The following ANGEL2 variants were observed in gnomAD, a reference collection of about 807,000 sequenced individuals.
ANGEL2 encodes the protein angel homolog 2.
A neutral mutation model predicts 66.0 loss-of-function variants in ANGEL2; 41 were observed. The observed-to-expected ratio is 0.62, with a 90% confidence interval of 0.48 to 0.81. The LOEUF is 0.81. Among genes scored for constraint, ANGEL2 ranks in the 30% least tolerant of loss-of-function variants. The pLI, the probability that ANGEL2 is intolerant of heterozygous loss-of-function variation, is 0.00. For synonymous variants in ANGEL2, 208 were observed against 226.5 expected, an observed-to-expected ratio of 0.92 and a Z score of 0.73; for missense variants, 561 against 641.6, an observed-to-expected ratio of 0.87 and a Z score of 1.36.
At chr1:213,015,307 G>A (rs1347603217) in intron 1 of ANGEL2, 1 of 1,315,908 alleles carries the variant, frequency 7.6e-7, no homozygotes, top group East Asian at 3.3e-5. Context: ...CGCTGGTCTG[G>A]AGGCTGGGTT....
intron 5 of ANGEL2, chr1:213,001,433 A>G (rs1016732732): frequency 2.0e-5 from 3 of 153,548 alleles, no homozygotes; most frequent in African/African-American, 7.2e-5. Context: ...TCATTGTTAA[A>G]ATATCCTAAC....
Position 213,013,119 on chromosome 1 carries a change from G to A in ANGEL2, c.359C>T (p.Pro120Leu), listed in dbSNP as rs971362282. 1.9e-6 allele frequency: 3 copies of A among 1,613,776 alleles called. No individual in the cohort carries two copies. The highest frequency in any genetic ancestry group is 2.7e-5 in the African/African-American group (2 of 74,872). Residue 120 changes from proline to leucine, a missense_variant, in exon 2 of 9, where the codon CCT becomes CTT. Pro to Leu is a moderately conservative substitution (Grantham distance 98). Coordinates refer to ENST00000366962, the MANE Select transcript of ANGEL2 (RefSeq NM_144567.5). ...SYVMNAEGDE[P>L]SSKRRKHQGV... ...TTGGTGTTTTCTTCGTTTTGATGAA[G>A]GCTCATCTCCCTCAGCGTTCATGAC... is the stretch of plus-strand genomic sequence containing the variant.
At chr1:213,007,099 G>GAAAAA in intron 4 of ANGEL2, 30 bp downstream of exon 4, 48 of 1,386,070 alleles carry the variant, frequency 3.5e-5, no homozygotes, top group South Asian at 1.0e-4. Flanking sequence ...TCTCAAAAAA[G>GAAAAA]AAAAAAAAAA....
chr1:212,994,945 A>G lies in ANGEL2; in HGVS notation c.*96T>C. On this transcript the variant is annotated 3_prime_UTR_variant, in exon 9 of 9. Coordinates refer to ENST00000366962, the MANE Select transcript of ANGEL2 (RefSeq NM_144567.5). The stretch of plus-strand genomic sequence containing the variant: ...AACATAACCGCTTCAGAATCTCCAC[A>G]GTGCAAAAATAAACAACATGCATAC... 2 of 1,145,646 alleles carry G rather than the reference A, an allele frequency of 1.7e-6. No individual in the cohort carries two copies. Among genetic ancestry groups the G allele is most frequent in the Middle Eastern group, 2.5e-4 (1 of 3,978 alleles). 71.0% of individuals were successfully genotyped at this position (1,145,646 alleles called of 1,614,324 possible).
Position 212,994,968 on chromosome 1 carries a change from T to C in ANGEL2, c.*73A>G. On this transcript the variant is annotated 3_prime_UTR_variant, in exon 9 of 9. Transcript: ENST00000366962. ...ACAGTGCAAAAATAAACAACATGCA[T>C]ACACTTAAGAACTTTACATTCTTTG... 2 of 1,391,092 alleles carry C rather than the reference T, an allele frequency of 1.4e-6. No individual in the cohort carries two copies. Among genetic ancestry groups the C allele is most frequent in the African/African-American group, 1.5e-5 (1 of 68,420 alleles). The allele number at this position is 1,391,092 out of a possible 1,614,324, so 86.2% of individuals were successfully genotyped here.
At position 212,992,570 on chromosome 1, in the gene ANGEL2, AGT is replaced by A. The variant is rs956118131; in HGVS notation, c.*2469_*2470del. On this transcript the variant is annotated 3_prime_UTR_variant, in exon 9 of 9. Coordinates refer to ENST00000366962, the MANE Select transcript of ANGEL2 (RefSeq NM_144567.5). ...TAAAGACAAGTGGATAATTATTTTT[AGT>A]GGAGCTTTAAAAACCTGTGAGAAGC... 12 of 152,226 alleles carry A rather than the reference AGT, an allele frequency of 7.9e-5. No homozygotes were observed. Among genetic ancestry groups the A allele is most frequent in the Non-Finnish European group, 1.5e-4 (10 of 68,028 alleles). The allele number at this position is 152,226 out of a possible 1,614,324, so 9.4% of individuals were successfully genotyped here. A position where few individuals can be genotyped will look rare whatever the true frequency, so the allele number is the denominator to read the frequency against.
In ANGEL2 at chr1:212,994,344, C is replaced by T. The variant is rs944410097; in HGVS notation, c.*697G>A. 8 of 152,112 alleles carry T rather than the reference C, an allele frequency of 5.3e-5. No individual in the cohort carries two copies. The highest frequency in any genetic ancestry group is 8.8e-5 in the Non-Finnish European group (6 of 68,014). 9.4% of individuals were successfully genotyped at this position (152,112 alleles called of 1,614,324 possible). On this transcript the variant is annotated 3_prime_UTR_variant, in exon 9 of 9. Transcript: ENST00000366962. ...TGCTAGGGAAACAAAGGTATATCCC[C>T]AGTCTCTGCCTCTATTAAGCCCACC...
chr1:213,009,809 G>A (rs2076446967), intron 2 of ANGEL2, among the ~76,000 whole-genome samples: 1 of 152,172 alleles, frequency 6.6e-6, no homozygotes, highest in Non-Finnish European at 1.5e-5. Context: ...CCAGCACTTT[G>A]GGAGGCTGAG....
Position 212,995,181 on chromosome 1 carries a change from C to G in ANGEL2, c.1495G>C (p.Ala499Pro). ...AGAAGTTTCAAGCCACCAACCAAAG[C>G]AACTTCAGCTCCTACATTAAAGAAG... ...DVAGHPGAEV[A>P]LVGGLKLLAR... The change falls in exon 9 of 9, where the codon GCT becomes CCT. Residue 499 changes from alanine to proline, a missense_variant. Physicochemically the swap from Ala to Pro is conservative, Grantham distance 27. Coordinates refer to ENST00000366962, the MANE Select transcript of ANGEL2 (RefSeq NM_144567.5). The G allele has an allele frequency of 6.2e-7, 1 of 1,603,498 alleles. No homozygotes were observed. Among genetic ancestry groups the G allele is most frequent in the Non-Finnish European group, 8.5e-7 (1 of 1,174,726 alleles).
At chr1:213,002,778 C>T (rs891252524) in intron 5 of ANGEL2, among the ~76,000 whole-genome samples, 10 of 151,976 alleles carry the variant, frequency 6.6e-5, no homozygotes, top group East Asian at 1.9e-4. Context: ...AAAATTAGCC[C>T]GGCGTGGAGG....
Position 213,015,608 on chromosome 1 carries a change from C to T in ANGEL2, c.59+5G>A. 6.5e-7 allele frequency: 1 copy of T among 1,550,240 alleles called. No individual in the cohort carries two copies. On this transcript the variant is annotated splice_donor_5th_base_variant and intron_variant, in intron 1 of 8. Transcript: ENST00000366962. ...TCCTCCCTCCGAGTACCCAGCCCTA[C>T]TGACCGGCCTCTTCCCACCACACAG... is the stretch of plus-strand genomic sequence containing the variant.
chr1:212,994,785 G>C lies in ANGEL2; in HGVS notation c.*256C>G, dbSNP rs1402751379. ...TAAAAATCACTGTCAATTTTACTAGGATTTAGAATATAAAACCTTTACATC... is the reference window on the plus strand; with the variant it reads ...TAAAAATCACTGTCAATTTTACTAGCATTTAGAATATAAAACCTTTACATC... On this transcript the variant is annotated 3_prime_UTR_variant, in exon 9 of 9. Transcript: ENST00000366962. 8.0e-6 allele frequency: 2 copies of C among 250,152 alleles called. No homozygotes were observed. Among genetic ancestry groups the C allele is most frequent in the East Asian group, 1.5e-4 (2 of 13,104 alleles). The allele number at this position is 250,152 out of a possible 1,614,324, so 15.5% of individuals were successfully genotyped here.
In ANGEL2 at chr1:212,994,328, A is replaced by G. The variant is rs2075941852; in HGVS notation, c.*713T>C. On this transcript the variant is annotated 3_prime_UTR_variant, in exon 9 of 9. Coordinates refer to ENST00000366962, the MANE Select transcript of ANGEL2 (RefSeq NM_144567.5). ...AATAAATAAATAAAAATGCTAGGGA[A>G]ACAAAGGTATATCCCCAGTCTCTGC... 6.6e-6 allele frequency: 1 copy of G among 152,202 alleles called. No homozygotes were observed. Among genetic ancestry groups the G allele is most frequent in the South Asian group, 2.1e-4 (1 of 4,830 alleles). The allele number at this position is 152,202 out of a possible 1,614,324, so 9.4% of individuals were successfully genotyped here.
rs778622669 is a variant in ANGEL2 at position 213,000,809 on chromosome 1, T to C, written c.1238A>G (p.Gln413Arg). Residue 413 changes from glutamine (Q) to arginine (R), a missense_variant, in exon 6 of 9, where the codon CAG becomes CGG. Coordinates refer to ENST00000366962, the MANE Select transcript of ANGEL2 (RefSeq NM_144567.5). ...ACCTGTCTTTTCTACTTTTGGTACC[T>C]GCTGTACCTCATACACACAGTTCTG... Reference protein sequence around the residue: ...ISQNCVYEVQQVPKVEKTDSD... With the variant: ...ISQNCVYEVQRVPKVEKTDSD... 1 of 1,610,454 alleles carries C rather than the reference T, an allele frequency of 6.2e-7. No individual in the cohort carries two copies. Among genetic ancestry groups the C allele is most frequent in the Admixed American group, 1.7e-5 (1 of 58,392 alleles).
In ANGEL2 at chr1:212,996,288, C is replaced by CA. The variant is rs924499224; in HGVS notation, c.1483+866_1483+867insT. Among the ~76,000 whole-genome samples, 49 of 151,920 alleles carry CA rather than the reference C, an allele frequency of 3.2e-4. 1 individual carries two copies. Among genetic ancestry groups the CA allele is most frequent in the East Asian group, 1.9e-3 (10 of 5,132 alleles). Reference sequence around the variant, plus strand: ...CGCCACTGCACTCCAGCCTGGGCGACGAGCGAGACTCCGTCTCAAAAACAA... The same window carrying CA: ...CGCCACTGCACTCCAGCCTGGGCGACAGAGCGAGACTCCGTCTCAAAAACAA... On this transcript the variant is annotated intron_variant, in intron 8 of 8. Coordinates refer to ENST00000366962, the MANE Select transcript of ANGEL2 (RefSeq NM_144567.5).
chr1:213,008,940 C>G (rs2076419932), intron 2 of ANGEL2, among the ~76,000 whole-genome samples: 1 of 152,124 alleles, frequency 6.6e-6, no homozygotes, highest in South Asian at 2.1e-4. Flanking sequence ...CAGAAGCAAC[C>G]CTTAGTTCAG....
At chr1:213,007,827 G>A (rs1322298216) in intron 3 of ANGEL2, among the ~76,000 whole-genome samples, 1 of 150,836 alleles carries the variant, frequency 6.6e-6, no homozygotes, top group Non-Finnish European at 1.5e-5. Flanking sequence ...GTTCATAAAT[G>A]CACAAATGAA....
chr1:213,013,329 T>A lies in ANGEL2; in HGVS notation c.149A>T (p.His50Leu). 1 of 1,614,164 alleles carries A rather than the reference T, an allele frequency of 6.2e-7. No individual in the cohort carries two copies. Among genetic ancestry groups the A allele is most frequent in the Non-Finnish European group, 8.5e-7 (1 of 1,179,994 alleles). ...ENLQRCCWNRHISSCMRWPGH... is the reference protein window; with the variant it reads ...ENLQRCCWNRLISSCMRWPGH... ...AGGCCACCTCATACAACTAGAAATA[T>A]GTCTGTTCCAGCAACACCTTTGCAG... is the stretch of plus-strand genomic sequence containing the variant. The change falls in exon 2 of 9, where the codon CAT (histidine) becomes CTT (leucine). Residue 50 changes from histidine (H) to leucine (L), a missense_variant. His to Leu is a moderately conservative substitution (Grantham distance 99). Coordinates refer to ENST00000366962, the MANE Select transcript of ANGEL2 (RefSeq NM_144567.5).
chr1:213,015,266 A>C, intron 1 of ANGEL2: 2 of 1,102,572 alleles, frequency 1.8e-6, no homozygotes, highest in Non-Finnish European at 2.2e-6. Context: ...GGTTCCCGGG[A>C]CGGTGCTGCG....
Sources: allele counts gnomAD v4.1 joint callset (sites outside exome capture counted in the v4.1 genomes callset), GRCh38; gene constraint gnomAD v4.1.1; transcripts MANE v1.5; gene names NCBI Gene and HGNC (gene_info 2026-07-23, HGNC 2026-07-21).